Variants in MED13L observed in about 807,000 individuals in gnomAD.
MED13L encodes mediator of RNA polymerase II transcription subunit 13-like.
MED13L carries 7 observed loss-of-function variants against 220.9 expected under a neutral mutation model. The ratio of observed to expected loss-of-function variants is 0.03; its 90% confidence interval spans 0.02 to 0.06. The LOEUF is 0.06. MED13L is among the 10% of genes least tolerant of loss of function. MED13L has a pLI of 1.00. For missense variants in MED13L, 1,965 were observed against 2,760.5 expected, an observed-to-expected ratio of 0.71 and a Z score of 6.46; for synonymous variants, 1,011 against 1,015.2, an observed-to-expected ratio of 1.00 and a Z score of 0.08.
chr12:116,081,665 G>T (rs1479396779), intron 4 of MED13L, among the ~76,000 whole-genome samples: 1 of 152,154 alleles, frequency 6.6e-6, no homozygotes, highest in African/African-American at 2.4e-5. Flanking sequence ...ACTTGAGTTT[G>T]AGACCAGCCC....
chr12:115,983,889 G>A (rs560990074), intron 20 of MED13L, among the ~76,000 whole-genome samples: 40 of 152,180 alleles, frequency 2.6e-4, no homozygotes, highest in Non-Finnish European at 5.0e-4. Context: ...AAGCTTCTAA[G>A]ATTCTCTTCA....
intron 4 of MED13L, among the ~76,000 whole-genome samples, chr12:116,070,576 C>T (rs1476773178): frequency 2.0e-5 from 3 of 152,178 alleles, no homozygotes; most frequent in Admixed American, 2.0e-4. Context: ...GGCTCTTTAG[C>T]ACCACACTAA....
chr12:116,234,945 G>T (rs1869931197), intron 2 of MED13L, among the ~76,000 whole-genome samples: 1 of 152,068 alleles, frequency 6.6e-6, no homozygotes, highest in East Asian at 1.9e-4. Flanking sequence ...TAACCAGCGT[G>T]AGCCACCATG....
At chr12:116,143,813 T>C (rs562917144) in intron 2 of MED13L, among the ~76,000 whole-genome samples, 3 of 152,188 alleles carry the variant, frequency 2.0e-5, no homozygotes, top group East Asian at 3.8e-4. Context: ...TTCATATTCA[T>C]AGACAGGATA....
At chr12:116,146,087 T>C (rs943041068) in intron 2 of MED13L, among the ~76,000 whole-genome samples, 2 of 152,210 alleles carry the variant, frequency 1.3e-5, no homozygotes, top group African/African-American at 4.8e-5. Context: ...ATTTGTAAAC[T>C]TTCTTAAAAC....
intron 2 of MED13L, among the ~76,000 whole-genome samples, chr12:116,150,217 CTG>C (rs1877932033): frequency 6.6e-6 from 1 of 152,200 alleles, no homozygotes. Flanking sequence ...ACCATGCAGG[CTG>C]TGTCACTGGA....
intron 4 of MED13L, among the ~76,000 whole-genome samples, chr12:116,033,895 G>A (rs560665127): frequency 2.0e-5 from 3 of 152,126 alleles, no homozygotes; most frequent in East Asian, 1.9e-4. Context: ...CTGTAAAAAG[G>A]AAACATTCAA....
intron 2 of MED13L, among the ~76,000 whole-genome samples, chr12:116,216,360 G>A (rs879690167): frequency 6.6e-6 from 1 of 151,920 alleles, no homozygotes; most frequent in Non-Finnish European, 1.5e-5. Flanking sequence ...GCTTAATCCT[G>A]GTATCTATAG....
intron 1 of MED13L, 130 bp downstream of exon 1, chr12:116,276,930 G>A (rs774550141): frequency 3.2e-5 from 35 of 1,087,104 alleles, no homozygotes; most frequent in Non-Finnish European, 4.3e-5. Context: ...ATCGGCGAGA[G>A]GCGAACGGCG....
chr12:116,068,274 C>T (rs1038508854), intron 4 of MED13L, among the ~76,000 whole-genome samples: 1 of 152,210 alleles, frequency 6.6e-6, no homozygotes, highest in Non-Finnish European at 1.5e-5. Context: ...GTGAACAACA[C>T]AGGCCAGAAG....
At chr12:116,030,824 A>G (rs1461117689) in intron 4 of MED13L, among the ~76,000 whole-genome samples, 1 of 152,114 alleles carries the variant, frequency 6.6e-6, no homozygotes, top group East Asian at 1.9e-4. Flanking sequence ...ATTTTCTATA[A>G]AAATAAAAGA....
chr12:116,027,183 G>T (rs1226802998), intron 4 of MED13L, among the ~76,000 whole-genome samples: 1 of 152,144 alleles, frequency 6.6e-6, no homozygotes, highest in Non-Finnish European at 1.5e-5. Flanking sequence ...AGCACTTTGG[G>T]AGGCAGAGTT....
chr12:116,016,948 A>G (rs953976033), intron 7 of MED13L, among the ~76,000 whole-genome samples: 8 of 152,188 alleles, frequency 5.3e-5, no homozygotes, highest in South Asian at 2.1e-4. Flanking sequence ...ATTCTGTCCT[A>G]TATCTAGAAA....
intron 1 of MED13L, among the ~76,000 whole-genome samples, chr12:116,261,313 C>G (rs1466447418): frequency 1.3e-5 from 2 of 152,146 alleles, no homozygotes; most frequent in South Asian, 2.1e-4. Context: ...ATGGGCAACA[C>G]AGTGAAACCC....
At chr12:116,143,731 A>G (rs1390859046) in intron 2 of MED13L, among the ~76,000 whole-genome samples, 1 of 152,224 alleles carries the variant, frequency 6.6e-6, no homozygotes, top group Non-Finnish European at 1.5e-5. Context: ...AACAAACTGC[A>G]GCGCAAAGCA....
rs1022066483 is a variant in MED13L at position 116,022,955 on chromosome 12, G to A, written c.480-354C>T. On this transcript the variant is annotated intron_variant, in intron 4 of 30. Coordinates refer to ENST00000281928, the MANE Select transcript of MED13L (RefSeq NM_015335.5). The stretch of plus-strand genomic sequence containing the variant: ...CTAGCACAAGACAAGCACTCAAAAC[G>A]TGTTAAGTCAAATAAATGAATAAAC... Among the ~76,000 whole-genome samples the A allele has an allele frequency of 7.9e-5, 12 of 152,242 alleles. No individual in the cohort carries two copies. The South Asian group carries it at 2.3e-3, about 29-fold the overall frequency.
chr12:116,264,580 CCTTT>C (rs1255620861), intron 1 of MED13L, among the ~76,000 whole-genome samples: 1 of 152,194 alleles, frequency 6.6e-6, no homozygotes, highest in Non-Finnish European at 1.5e-5. Context: ...CACACTTATT[CCTTT>C]CTTAGATCAT....
chr12:115,965,158 T>C (rs149975202), intron 29 of MED13L, among the ~76,000 whole-genome samples: 10 of 152,298 alleles, frequency 6.6e-5, no homozygotes, highest in Non-Finnish European at 1.2e-4. Flanking sequence ...TGTACGTGTA[T>C]ATGTGTGTGA....
At chr12:116,041,069 A>G (rs961929410) in intron 4 of MED13L, among the ~76,000 whole-genome samples, 3 of 152,176 alleles carry the variant, frequency 2.0e-5, no homozygotes, top group African/African-American at 7.2e-5. Context: ...TGCTAAAATC[A>G]GTAATTAAAA....
Sources: allele counts gnomAD v4.1 joint callset (sites outside exome capture counted in the v4.1 genomes callset), GRCh38; gene constraint gnomAD v4.1.1; transcripts MANE v1.5; gene names NCBI Gene and HGNC (gene_info 2026-07-23, HGNC 2026-07-21).